USP34: variants seen among roughly 807,000 people sequenced by gnomAD.
USP34 encodes ubiquitin carboxyl-terminal hydrolase 34.
In USP34, 70 loss-of-function variants were observed where a neutral mutation model predicts 460.3. The ratio of observed to expected loss-of-function variants is 0.15; its 90% CI spans 0.13 to 0.19. The LOEUF is 0.19. Ranked by LOEUF, USP34 falls within the 10% of genes least tolerant of loss-of-function variation. USP34 has a pLI of 1.00. For missense variants in USP34, 3,985 were observed against 4,236.2 expected (o/e 0.94, Z 1.65); for synonymous variants, 1,647 against 1,405.3 (o/e 1.17, Z -3.85).
intron 41 of USP34, among the ~76,000 whole-genome samples, chr2:61,268,987 T>C (rs1276774344): frequency 6.9e-6 from 1 of 145,736 alleles, no homozygotes; most frequent in Non-Finnish European, 1.5e-5. Flanking sequence ...TTTAAGACAA[T>C]ATCATGTACA....
chr2:61,459,185 T>A (rs575958266), intron 1 of USP34, among the ~76,000 whole-genome samples: 64 of 152,088 alleles, frequency 4.2e-4, no homozygotes, highest in African/African-American at 1.5e-3. Flanking sequence ...TCTTAAAAAT[T>A]AAAAAATAAA....
chr2:61,367,011 C>T (rs1020510889), intron 10 of USP34, among the ~76,000 whole-genome samples: 18 of 152,078 alleles, frequency 1.2e-4, no homozygotes, highest in South Asian at 2.1e-4. Context: ...ACTCCACCAC[C>T]GTACTCTAGC....
At chr2:61,390,546 A>G (rs79279844) in intron 5 of USP34, among the ~76,000 whole-genome samples, 2,938 of 152,350 alleles carry the variant, frequency 0.019, 34 homozygotes, top group Middle Eastern at 0.054. Context: ...ACGGATCCAT[A>G]TAATAGGTGG....
intron 10 of USP34, among the ~76,000 whole-genome samples, chr2:61,368,276 A>G (rs1692499392): frequency 6.6e-6 from 1 of 152,198 alleles, no homozygotes; most frequent in African/African-American, 2.4e-5. Context: ...TACTAAAAAC[A>G]CAAAAATTAG....
chr2:61,413,231 T>C (rs973889093), intron 2 of USP34, among the ~76,000 whole-genome samples: 4 of 151,754 alleles, frequency 2.6e-5, no homozygotes, highest in Admixed American at 6.6e-5. Context: ...CTGACTCTAC[T>C]AAAAATACAA....
intron 20 of USP34, among the ~76,000 whole-genome samples, chr2:61,327,631 A>C (rs1691135442): frequency 6.6e-6 from 1 of 152,190 alleles, no homozygotes; most frequent in African/African-American, 2.4e-5. Flanking sequence ...TTCTTCCCCT[A>C]TACTTGCATC....
At chr2:61,234,223 G>C (rs1414709115) in intron 57 of USP34, among the ~76,000 whole-genome samples, 1 of 152,194 alleles carries the variant, frequency 6.6e-6, no homozygotes, top group Non-Finnish European at 1.5e-5. Context: ...GGTATAATCA[G>C]ATGAACTTCT....
At chr2:61,222,977 A>C (rs886711482) in intron 64 of USP34, 83 bp downstream of exon 64, 3 of 1,248,490 alleles carry the variant, frequency 2.4e-6, no homozygotes, top group African/African-American at 3.0e-5. Context: ...GATTACAGGC[A>C]TGAGCCACCG....
At chr2:61,213,499 G>A (rs752014386) in intron 68 of USP34, among the ~76,000 whole-genome samples, 87 of 152,156 alleles carry the variant, frequency 5.7e-4, no homozygotes, top group Non-Finnish European at 8.5e-4. Context: ...GCTTTACATC[G>A]AGGGGAGGAA....
At chr2:61,425,180 A>C (rs1420113542) in intron 1 of USP34, among the ~76,000 whole-genome samples, 1 of 152,152 alleles carries the variant, frequency 6.6e-6, no homozygotes, top group African/African-American at 2.4e-5. Context: ...GATCATGCCC[A>C]TGCCCCCGCC....
chr2:61,248,508 C>T lies in USP34; in HGVS notation c.6394+3G>A, dbSNP rs1688484503. ...AGACAAGAGAAAGAAATGAAAAAATCACCTTCTTTCCTCTCACTCTTTCCC... is the reference window on the plus strand; with the variant it reads ...AGACAAGAGAAAGAAATGAAAAAATTACCTTCTTTCCTCTCACTCTTTCCC... On this transcript the variant is annotated splice_donor_region_variant and intron_variant, in intron 49 of 79. Transcript: ENST00000398571. The T allele has an allele frequency of 6.5e-7, 1 of 1,543,120 alleles. No homozygotes were observed. The highest frequency in any genetic ancestry group is 8.8e-7 in the Non-Finnish European group (1 of 1,140,172).
rs567857114 is a variant in USP34 at position 61,331,430 on chromosome 2, T to C, written c.2835-59A>G. Reference sequence around the variant, plus strand: ...TGGGCAGGGTAAGAGAATAAATCTATGCTATGACAGTAAATATGCAAATCT... The same window carrying C: ...TGGGCAGGGTAAGAGAATAAATCTACGCTATGACAGTAAATATGCAAATCT... On this transcript the variant is annotated intron_variant, in intron 19 of 79. Coordinates refer to ENST00000398571, the MANE Select transcript of USP34 (RefSeq NM_014709.4). 2.1e-5 allele frequency: 29 copies of C among 1,357,136 alleles called. 1 individual carries two copies. In the South Asian group the frequency reaches 4.6e-4, roughly 21 times the overall value. The allele number at this position is 1,357,136 out of a possible 1,614,324, so 84.1% of individuals were successfully genotyped here.
intron 41 of USP34, among the ~76,000 whole-genome samples, chr2:61,276,510 A>G (rs568540587): frequency 1.6e-4 from 24 of 152,204 alleles, no homozygotes; most frequent in Non-Finnish European, 2.9e-4. Flanking sequence ...GTATCCATGA[A>G]AAGTCCTGGA....
chr2:61,275,584 C>T (rs1234761221), intron 41 of USP34, among the ~76,000 whole-genome samples: 1 of 151,436 alleles, frequency 6.6e-6, no homozygotes, highest in Admixed American at 6.6e-5. Flanking sequence ...GATTGTGCCC[C>T]TGCACTGCAG....
chr2:61,293,806 G>C lies in USP34; in HGVS notation c.4462-256C>G, dbSNP rs1305637155. The stretch of plus-strand genomic sequence containing the variant: ...AAAGCCAGACGATGGCTTGAGGTTA[G>C]GACTTTGAGACCAGCCTAGACAACA... On this transcript the variant is annotated intron_variant, in intron 32 of 79. Transcript: ENST00000398571. 2.0e-5 allele frequency among the ~76,000 whole-genome samples: 3 copies of C among 152,136 alleles called. No individual in the cohort carries two copies. The East Asian group carries it at 5.8e-4, about 30-fold the overall frequency.
chr2:61,207,626 C>T (rs1250238629), intron 70 of USP34: 1 of 152,068 alleles, frequency 6.6e-6, no homozygotes, highest in Non-Finnish European at 1.5e-5. Flanking sequence ...TAGTACCTAC[C>T]ACAGTGCTTG....
In USP34 at chr2:61,441,217, A is replaced by G. The variant is rs904162284; in HGVS notation, c.44-20384T>C. Among the ~76,000 whole-genome samples the G allele has an allele frequency of 5.4e-5, 8 of 149,098 alleles. 1 individual carries two copies. The highest frequency in any genetic ancestry group is 1.0e-4 in the Non-Finnish European group (7 of 67,542). On this transcript the variant is annotated intron_variant, in intron 1 of 79. Coordinates refer to ENST00000398571, the MANE Select transcript of USP34 (RefSeq NM_014709.4). Reference sequence around the variant, plus strand: ...TGTACTTGCGATCATAGCTCACTGTAGCCTCAAACTCCTAGGCTCAAGTGA... The same window carrying G: ...TGTACTTGCGATCATAGCTCACTGTGGCCTCAAACTCCTAGGCTCAAGTGA...
intron 48 of USP34, among the ~76,000 whole-genome samples, chr2:61,249,275 G>T (rs773054005): frequency 2.6e-5 from 4 of 152,122 alleles, no homozygotes; most frequent in Non-Finnish European, 4.4e-5. Context: ...TAAAATAAAG[G>T]TTCCTTGAAT....
chr2:61,350,563 A>G lies in USP34; in HGVS notation c.1377+5T>C, dbSNP rs749485863. ...AAAAAAACTATCATGTTTTGAATGT[A>G]TTACCTGTTCAGTATGAACACTTGG... On this transcript the variant is annotated splice_donor_5th_base_variant and intron_variant, in intron 11 of 79. Transcript: ENST00000398571. 1 of 1,598,814 alleles carries G rather than the reference A, an allele frequency of 6.3e-7. No homozygotes were observed.
Sources: allele counts gnomAD v4.1 joint callset (sites outside exome capture counted in the v4.1 genomes callset), GRCh38; gene constraint gnomAD v4.1.1; transcripts MANE v1.5; gene names NCBI Gene and HGNC (gene_info 2026-07-23, HGNC 2026-07-21).